RIC3: variants seen among roughly 807,000 people sequenced by gnomAD.
RIC3 encodes the protein RIC3 acetylcholine receptor chaperone.
RIC3 carries 28 observed loss-of-function variants against 27.3 expected under a neutral mutation model. The observed-to-expected ratio is 1.02, with a 90% CI of 0.76 to 1.41. The LOEUF is 1.41. Among genes scored for constraint, RIC3 ranks in the 40% most tolerant of loss-of-function variants. The probability of loss-of-function intolerance (pLI) is 0.00; values close to 1 mark genes in which losing one functional copy is unlikely to be tolerated. For synonymous variants in RIC3, 184 were observed against 160.4 expected, an observed-to-expected ratio of 1.15 and a Z score of -1.11; for missense variants, 501 against 444.7, an observed-to-expected ratio of 1.13 and a Z score of -1.14.
At chr11:8,098,661 G>C in the RIC3 span, 1 of 879,174 alleles carries the variant, frequency 1.1e-6, no homozygotes, top group Non-Finnish European at 1.8e-6. Context: ...TTCCAGCCCA[G>C]AATGTTTTGC....
rs1159303987 is a variant in RIC3, at chr11:8,108,889, TC to T, written c.*1808del. 8 of 152,224 alleles carry T rather than the reference TC, an allele frequency of 5.3e-5. No individual in the cohort carries two copies. Among genetic ancestry groups the T allele is most frequent in the African/African-American group, 1.9e-4 (8 of 41,456 alleles). The allele number at this position is 152,224 out of a possible 1,614,324, so 9.4% of individuals were successfully genotyped here. On this transcript the variant is annotated 3_prime_UTR_variant, in exon 6 of 6. Transcript: ENST00000309737. ...AACCTGAGCCAGGAACCCAGGGCTC[TC>T]CTCATGAATCAACCCCTCACAGTGA...
At chr11:8,105,884 A>T (rs956941877), downstream of RIC3, 1 of 152,160 alleles carries the variant, frequency 6.6e-6, no homozygotes, top group Non-Finnish European at 1.5e-5. Flanking sequence ...GATGGCTAGG[A>T]AAGGGAAGCC....
At chr11:8,095,129 TG>T in the RIC3 span, among the ~76,000 whole-genome samples, 1 of 152,260 alleles carries the variant, frequency 6.6e-6, no homozygotes, top group Non-Finnish European at 1.5e-5. Context: ...GGCTTGTAGC[TG>T]GTCGTGTCCA....
chr11:8,145,935 G>A (rs189290987), intron 1 of RIC3, among the ~76,000 whole-genome samples: 1 of 152,112 alleles, frequency 6.6e-6, no homozygotes, highest in African/African-American at 2.4e-5. Flanking sequence ...ATGCACTGTG[G>A]GTAAGTGATA....
At chr11:8,125,238 A>C (rs1255272925) in intron 5 of RIC3, among the ~76,000 whole-genome samples, 1 of 150,956 alleles carries the variant, frequency 6.6e-6, no homozygotes, top group Non-Finnish European at 1.5e-5. Flanking sequence ...TGGGTGACAG[A>C]GCAAGACTCT....
intron 1 of RIC3, among the ~76,000 whole-genome samples, chr11:8,142,265 T>A (rs1450756114): frequency 7.5e-6 from 1 of 133,020 alleles, no homozygotes; most frequent in African/African-American, 3.3e-5. Context: ...ATCAACAAAA[T>A]TGATAGACCG....
At chr11:8,167,623 T>C (rs981861459) in intron 1 of RIC3, among the ~76,000 whole-genome samples, 1 of 144,770 alleles carries the variant, frequency 6.9e-6, no homozygotes, top group African/African-American at 2.6e-5. Flanking sequence ...TTCAAGATAA[T>C]TCACCATAAT....
At chr11:8,148,248 A>C (rs950381432) in intron 1 of RIC3, among the ~76,000 whole-genome samples, 1 of 147,398 alleles carries the variant, frequency 6.8e-6, no homozygotes, top group Non-Finnish European at 1.5e-5. Flanking sequence ...ACAGAAGCAC[A>C]GCTTTAGACA....
At chr11:8,139,819 A>G (rs1264863254) in intron 2 of RIC3, 148 bp downstream of exon 2, 1 of 698,404 alleles carries the variant, frequency 1.4e-6, no homozygotes, top group Non-Finnish European at 2.4e-6. Context: ...TGGCTATCCT[A>G]AGTACCTCAT....
chr11:8,095,680 G>T, the RIC3 span: 1 of 1,576,876 alleles, frequency 6.3e-7, no homozygotes. Flanking sequence ...GCCCCATGGG[G>T]ACCCAGTGAT....
At chr11:8,147,975 T>A (rs1949876169) in intron 1 of RIC3, among the ~76,000 whole-genome samples, 1 of 152,172 alleles carries the variant, frequency 6.6e-6, no homozygotes, top group African/African-American at 2.4e-5. Context: ...TCTGCCCCCC[T>A]TGGTCTCCCA....
intron 5 of RIC3, among the ~76,000 whole-genome samples, chr11:8,120,153 C>T (rs919297947): frequency 6.6e-6 from 1 of 152,180 alleles, no homozygotes; most frequent in African/African-American, 2.4e-5. Context: ...GGATCTAGAA[C>T]TGGAATTACT....
Position 8,153,722 on chromosome 11 carries a change from A to G in RIC3, c.125-13529T>C, listed in dbSNP as rs186105049. On this transcript the variant is annotated intron_variant, in intron 1 of 5. Coordinates refer to ENST00000309737, the MANE Select transcript of RIC3 (RefSeq NM_001206671.4). ...ACTTCTAGTTCTGACTTTTCCCCCAAGCTCTTGTCTCTTATTTCTTAATAC... is the reference window on the plus strand; with the variant it reads ...ACTTCTAGTTCTGACTTTTCCCCCAGGCTCTTGTCTCTTATTTCTTAATAC... Among the ~76,000 whole-genome samples the G allele has an allele frequency of 9.8e-3, 1,492 of 152,080 alleles. 19 individuals carry two copies. Among genetic ancestry groups the G allele is most frequent in the Non-Finnish European group, 0.012 (784 of 68,000 alleles).
intron 3 of RIC3, 121 bp downstream of exon 3, chr11:8,138,151 T>C (rs75131852): frequency 6.4e-6 from 4 of 629,228 alleles, no homozygotes; most frequent in South Asian, 3.1e-5. Flanking sequence ...AAAAATGGCA[T>C]CAGATTAATT....
chr11:8,118,224 C>CAAA (rs989594446), intron 5 of RIC3, among the ~76,000 whole-genome samples: 4 of 45,998 alleles, frequency 8.7e-5, no homozygotes, highest in African/African-American at 2.8e-4. Context: ...GGTTCCATCT[C>CAAA]AAAAAAAAAA....
chr11:8,165,713 C>CA lies in RIC3; in HGVS notation c.124+3152dup, dbSNP rs33913120. Among the ~76,000 whole-genome samples, 949 of 134,762 alleles carry CA rather than the reference C, an allele frequency of 7.0e-3. 16 individuals carry two copies. Among genetic ancestry groups the CA allele is most frequent in the African/African-American group, 0.022 (800 of 37,074 alleles). The allele number at this position is 134,762 out of a possible 152,430, so 88.4% of individuals were successfully genotyped here. On this transcript the variant is annotated intron_variant, in intron 1 of 5. Coordinates refer to ENST00000309737, the MANE Select transcript of RIC3 (RefSeq NM_001206671.4). The stretch of plus-strand genomic sequence containing the variant: ...AATTAGATCTCAAGAAAGCTGTTAT[C>CA]AAAAAAAAAAAAGACTTCCCTCCTC...
chr11:8,118,701 C>T (rs1946140497), intron 5 of RIC3, among the ~76,000 whole-genome samples: 1 of 151,782 alleles, frequency 6.6e-6, no homozygotes, highest in Non-Finnish European at 1.5e-5. Context: ...AACCCTGTCT[C>T]TACTAAAAAT....
chr11:8,101,781 G>A (rs1944318623), downstream of RIC3: 7 of 1,310,468 alleles, frequency 5.3e-6, no homozygotes, highest in East Asian at 1.3e-4. Context: ...TGGCTCCTTT[G>A]CCTCTGCTAC....
Position 8,128,105 on chromosome 11 carries a change from G to A in RIC3, c.522-1298C>T, listed in dbSNP as rs560192869. The A allele has an allele frequency of 2.9e-5, 13 of 442,094 alleles. No homozygotes were observed. In the East Asian group the frequency reaches 7.7e-4, roughly 26 times the overall value. The allele number at this position is 442,094 out of a possible 1,614,324, so 27.4% of individuals were successfully genotyped here. A position where few individuals can be genotyped will look rare whatever the true frequency, so the allele number is the denominator to read the frequency against. Reference sequence around the variant, plus strand: ...TCTGATAGCTCTATTCTTCCCATCAGTACAGGAGTCCTGACTCTCCACAAC... The same window carrying A: ...TCTGATAGCTCTATTCTTCCCATCAATACAGGAGTCCTGACTCTCCACAAC... On this transcript the variant is annotated intron_variant, in intron 4 of 5. Transcript: ENST00000309737.
Sources: gnomAD v4.1 joint callset for allele counts (sites outside exome capture counted in the v4.1 genomes callset) on GRCh38, gnomAD v4.1.1 for gene constraint, MANE v1.5 for transcripts, NCBI Gene and HGNC (gene_info 2026-07-23, HGNC 2026-07-21) for gene names.